SETD1B: variants seen among roughly 807,000 people sequenced by gnomAD.
The protein encoded by SETD1B is histone-lysine N-methyltransferase SETD1B.
In SETD1B, 7 loss-of-function variants were observed where a neutral mutation model predicts 148.0. The observed-to-expected ratio is 0.05, with a 90% CI of 0.03 to 0.09. The LOEUF is 0.09. Ranked by LOEUF, SETD1B falls within the 10% of genes least tolerant of loss-of-function variation. The probability of loss-of-function intolerance (pLI) is 1.00; values close to 1 mark genes in which losing one functional copy is unlikely to be tolerated. For synonymous variants in SETD1B, 1,361 were observed against 1,186.5 expected, an observed-to-expected ratio of 1.15 and a Z score of -3.02; for missense variants, 2,155 against 2,729.9, an observed-to-expected ratio of 0.79 and a Z score of 4.69.
chr12:121,791,310 G>C, the SETD1B span, among the ~76,000 whole-genome samples: 1 of 152,206 alleles, frequency 6.6e-6, no homozygotes, highest in African/African-American at 2.4e-5. Context: ...ATTTTTAGTA[G>C]AGATGGGGTT....
At chr12:121,824,208 A>G (rs1186298936) in intron 12 of SETD1B, among the ~76,000 whole-genome samples, 4 of 152,100 alleles carry the variant, frequency 2.6e-5, no homozygotes, top group African/African-American at 9.7e-5. Flanking sequence ...TGAGATTTGA[A>G]CCCAGGCAAA....
chr12:121,797,468 T>C, the SETD1B span: 1 of 456,068 alleles, frequency 2.2e-6, no homozygotes, highest in Non-Finnish European at 4.4e-6. Flanking sequence ...CAAGAGGTGA[T>C]GGTGGGGGGA....
Position 121,828,152 on chromosome 12 carries a change from G to A in SETD1B, c.5727+82G>A, listed in dbSNP as rs527684657. On this transcript the variant is annotated intron_variant, in intron 16 of 16. Transcript: ENST00000604567. ...TGTGCCAGGAGGGCCTGGAAGCCCC[G>A]GCACGGGAATCAGCTCGGCCTCCTT... is the stretch of plus-strand genomic sequence containing the variant. 1.7e-4 allele frequency: 253 copies of A among 1,508,836 alleles called. 1 individual carries two copies. In the Admixed American group the frequency reaches 4.4e-3, roughly 26 times the overall value. The allele number at this position is 1,508,836 out of a possible 1,614,324, so 93.5% of individuals were successfully genotyped here.
rs1051138647 is a variant in SETD1B at position 121,810,110 on chromosome 12, C to G, written c.1165C>G (p.Pro389Ala). 1.3e-6 allele frequency: 2 copies of G among 1,550,202 alleles called. No homozygotes were observed. Among genetic ancestry groups the G allele is most frequent in the Non-Finnish European group, 1.7e-6 (2 of 1,146,930 alleles). Reference protein sequence around the residue: ...AHTPPPAQATPAPGFKSAFSP... With the variant: ...AHTPPPAQATAAPGFKSAFSP... ...CACTCCACCACCCGCCCAAGCAACC[C>G]CTGCTCCTGGATTCAAGTCTGCTTT... Residue 389 changes from proline to alanine, a missense_variant, in exon 6 of 17, where the codon CCT becomes GCT. Coordinates refer to ENST00000604567, the MANE Select transcript of SETD1B (RefSeq NM_001353345.2). The surrounding 1 kb of genome is among the most constrained non-coding windows in gnomAD (Gnocchi z 7.6).
chr12:121,801,957 C>CTTGT (rs1875387890), upstream of SETD1B: 4 of 152,270 alleles, frequency 2.6e-5, 1 homozygote, highest in South Asian at 8.3e-4. Flanking sequence ...CCAGCTAGGA[C>CTTGT]TTGTTTTCCA....
chr12:121,800,571 G>GA (rs1201399172), upstream of SETD1B: 6 of 151,646 alleles, frequency 4.0e-5, no homozygotes, highest in Admixed American at 6.6e-5. Context: ...GGACAAAGAC[G>GA]AAAGAGGGAA....
rs11378677 is a variant in SETD1B at position 121,815,398 on chromosome 12, G to GCCC, written c.2715+474_2715+476dup. ...GTACACAGGATAGCTGGTGCAGACT[G>GCCC]CCCCCCCCGCCCATTGCAGACAGCT... is the stretch of plus-strand genomic sequence containing the variant. On this transcript the variant is annotated intron_variant, in intron 7 of 16. Transcript: ENST00000604567. Among the ~76,000 whole-genome samples the GCCC allele has an allele frequency of 6.6e-5, 10 of 151,236 alleles. No homozygotes were observed. The East Asian group carries it at 1.2e-3, about 18-fold the overall frequency.
chr12:121,800,100 G>T (rs1185648505), upstream of SETD1B: 1 of 151,998 alleles, frequency 6.6e-6, no homozygotes, highest in Non-Finnish European at 1.5e-5. Flanking sequence ...GGCCGGGGGT[G>T]GCTGAGTCAG....
rs114351527 is a variant in SETD1B at position 121,822,641 on chromosome 12, C to G, written c.4062C>G (p.Pro1354=). 3.2e-6 allele frequency: 5 copies of G among 1,551,330 alleles called. No homozygotes were observed. Among genetic ancestry groups the G allele is most frequent in the Admixed American group, 2.0e-5 (1 of 50,982 alleles). The change falls in exon 12 of 17, where the codon CCC becomes CCG. Residue 1354 remains proline, a synonymous_variant. Coordinates refer to ENST00000604567, the MANE Select transcript of SETD1B (RefSeq NM_001353345.2). Reference sequence around the variant, plus strand: ...CACACCCATCTGTCCCTCCGGAGCCCCTTGCCGAGGACCACCCCCCGCATA... The same window carrying G: ...CACACCCATCTGTCCCTCCGGAGCCGCTTGCCGAGGACCACCCCCCGCATA... ...DASHPSVPPE[P]LAEDHPPHTP...
chr12:121,816,909 A>C, intron 7 of SETD1B, 124 bp from the exon 8 acceptor site: 1 of 811,132 alleles, frequency 1.2e-6, no homozygotes, highest in Non-Finnish European at 1.9e-6. Flanking sequence ...TGTGTAGGGA[A>C]TGAGGATGCA....
rs1875920493 is a variant in SETD1B, at chr12:121,809,710, C to T, written c.765C>T (p.Asp255=). The T allele has an allele frequency of 1.3e-6, 2 of 1,551,654 alleles. No individual in the cohort carries two copies. Among genetic ancestry groups the T allele is most frequent in the East Asian group, 2.4e-5 (1 of 40,922 alleles). The change falls in exon 6 of 17, where the codon GAC becomes GAT. Residue 255 remains aspartate (D), a synonymous_variant. Transcript: ENST00000604567. ...PNSGGTPFSQ[D]TAYSSCRLDT... ...GCGGTGGGACACCCTTCTCCCAGGA[C>T]ACAGCTTATTCCAGCTGCCGCCTGG...
chr12:121,826,302 A>G (rs1876836077), intron 13 of SETD1B, among the ~76,000 whole-genome samples: 1 of 152,206 alleles, frequency 6.6e-6, no homozygotes, highest in Admixed American at 6.5e-5. Flanking sequence ...TGGAGAAAAC[A>G]GGAGAGGGGT....
rs1875850059 is a variant in SETD1B, at chr12:121,808,373, C to T, written c.657+53C>T. 7 of 1,263,616 alleles carry T rather than the reference C, an allele frequency of 5.5e-6. No individual in the cohort carries two copies. In the South Asian group the frequency reaches 6.7e-5, roughly 12 times the overall value. The allele number at this position is 1,263,616 out of a possible 1,614,324, so 78.3% of individuals were successfully genotyped here. On this transcript the variant is annotated intron_variant, in intron 5 of 16. Transcript: ENST00000604567. The surrounding 1 kb of genome is among the most constrained non-coding windows in gnomAD (Gnocchi z 5.3). Reference sequence around the variant, plus strand: ...ATCGCCAGCTCTTTGATGTGCCCCCCACCTCTGGAAAGCCTCACCAACTCT... The same window carrying T: ...ATCGCCAGCTCTTTGATGTGCCCCCTACCTCTGGAAAGCCTCACCAACTCT...
chr12:121,810,583 T>C lies in SETD1B; in HGVS notation c.1638T>C (p.Phe546=). ...SSSQLSPLAP[F]GTNSQPGFRG... ...CCCAGCTCTCCCCACTGGCCCCCTT[T>C]GGCACCAACTCCCAGCCAGGCTTCC... Residue 546 remains phenylalanine (F), a synonymous_variant, in exon 6 of 17, where the codon TTT becomes TTC. Transcript: ENST00000604567. The surrounding 1 kb of genome is among the most constrained non-coding windows in gnomAD (Gnocchi z 7.6). 1 of 1,548,268 alleles carries C rather than the reference T, an allele frequency of 6.5e-7. No homozygotes were observed. The highest frequency in any genetic ancestry group is 8.7e-7 in the Non-Finnish European group (1 of 1,146,834).
chr12:121,793,791 G>T, the SETD1B span: 1 of 593,184 alleles, frequency 1.7e-6, no homozygotes, highest in Non-Finnish European at 2.7e-6. Context: ...TTTCCTTTCT[G>T]CTAAGGTCTC....
Position 121,808,184 on chromosome 12 carries a change from TC to T in SETD1B, c.545-19del. Reference sequence around the variant, plus strand: ...GCCCCATCCTGGAACCTCACTGAGTTCCCCCTTTCCTGCCCATCTACAGGGG... The same window carrying T: ...GCCCCATCCTGGAACCTCACTGAGTTCCCCTTTCCTGCCCATCTACAGGGG... On this transcript the variant is annotated intron_variant, in intron 4 of 16. Transcript: ENST00000604567. The surrounding 1 kb of genome is among the most constrained non-coding windows in gnomAD (Gnocchi z 5.3). 1.3e-6 allele frequency: 2 copies of T among 1,531,116 alleles called. No individual in the cohort carries two copies. Among genetic ancestry groups the T allele is most frequent in the African/African-American group, 1.4e-5 (1 of 72,538 alleles). 94.8% of individuals were successfully genotyped at this position (1,531,116 alleles called of 1,614,324 possible). A position where few individuals can be genotyped will look rare whatever the true frequency, so the allele number is the denominator to read the frequency against.
chr12:121,832,592 A>G lies in SETD1B; in HGVS notation c.*2353A>G. 4.2e-6 allele frequency: 1 copy of G among 239,102 alleles called. No homozygotes were observed. Among genetic ancestry groups the G allele is most frequent in the South Asian group, 4.2e-5 (1 of 23,954 alleles). The allele number at this position is 239,102 out of a possible 1,614,324, so 14.8% of individuals were successfully genotyped here. A position where few individuals can be genotyped will look rare whatever the true frequency, so the allele number is the denominator to read the frequency against. On this transcript the variant is annotated 3_prime_UTR_variant, in exon 17 of 17. Transcript: ENST00000604567. ...TTCATATTTTTGTGAATTCAATACT[A>G]TGTACCATTGTATTATAGTAACTTT...
chr12:121,825,219 TAAG>T lies in SETD1B; in HGVS notation c.5199_5201del (p.Lys1734del), dbSNP rs1033064749. 14 of 1,551,438 alleles carry T rather than the reference TAAG, an allele frequency of 9.0e-6. No individual in the cohort carries two copies. Among genetic ancestry groups the T allele is most frequent in the South Asian group, 3.6e-5 (3 of 84,068 alleles). On this transcript the variant is annotated inframe_deletion, in exon 13 of 17. Coordinates refer to ENST00000604567, the MANE Select transcript of SETD1B (RefSeq NM_001353345.2). ...ACCCACCCACCAGCCTCTCTTCAGC[TAAG>T]AAGAAGAAACGGGACGATGGCATCC...
chr12:121,797,510 G>C, the SETD1B span: 41 of 456,496 alleles, frequency 9.0e-5, no homozygotes, highest in Admixed American at 9.6e-4. Flanking sequence ...AGCAGAGAGA[G>C]AGGGGTACAG....
Sources: gnomAD v4.1 joint callset for allele counts (sites outside exome capture counted in the v4.1 genomes callset) on GRCh38, gnomAD v4.1.1 for gene constraint, Gnocchi (gnomAD v3.1) non-coding constraint, MANE v1.5 for transcripts, NCBI Gene and HGNC (gene_info 2026-07-23, HGNC 2026-07-21) for gene names.